The following CDH13 variants were observed in gnomAD, a reference collection of about 807,000 sequenced individuals.
CDH13 encodes cadherin-13.
Under a neutral mutation model 63.8 loss-of-function variants are expected in CDH13, and 24 were observed. The ratio of observed to expected loss-of-function variants is 0.38; its 90% CI spans 0.27 to 0.53. CDH13 has a LOEUF of 0.53. CDH13 is among the 20% of genes least tolerant of loss of function. The pLI, the probability that CDH13 is intolerant of heterozygous loss-of-function variation, is 0.85. For missense variants in CDH13, 1,049 were observed against 903.1 expected (o/e 1.16, Z -2.07); for synonymous variants, 503 against 355.3 (o/e 1.42, Z -4.67).
chr16:83,763,231 T>C (rs1345553784), intron 11 of CDH13, among the ~76,000 whole-genome samples: 1 of 152,138 alleles, frequency 6.6e-6, no homozygotes, highest in African/African-American at 2.4e-5. Context: ...CACACAGATA[T>C]AGAACCAGGC....
intron 2 of CDH13, among the ~76,000 whole-genome samples, chr16:82,934,048 C>T (rs974670237): frequency 6.6e-6 from 1 of 152,252 alleles, no homozygotes. Context: ...CCTTTTCTCA[C>T]AGCTCAACTA....
chr16:82,730,936 G>A (rs544888018), intron 1 of CDH13, among the ~76,000 whole-genome samples: 8 of 152,184 alleles, frequency 5.3e-5, no homozygotes, highest in Non-Finnish European at 7.4e-5. Context: ...GGGTAATATG[G>A]GCACAAAACT....
At chr16:83,283,106 T>C (rs1393948912) in intron 5 of CDH13, among the ~76,000 whole-genome samples, 1 of 152,180 alleles carries the variant, frequency 6.6e-6, no homozygotes, top group Non-Finnish European at 1.5e-5. Context: ...GGTCCTCTTC[T>C]CTAGAAACCC....
chr16:83,206,720 A>G (rs967952584), intron 4 of CDH13, among the ~76,000 whole-genome samples: 3 of 152,158 alleles, frequency 2.0e-5, no homozygotes, highest in Non-Finnish European at 4.4e-5. Context: ...TAACATTTCA[A>G]CAGTTGTGTT....
chr16:83,286,864 T>C (rs1043860164), intron 5 of CDH13, among the ~76,000 whole-genome samples: 1 of 151,922 alleles, frequency 6.6e-6, no homozygotes, highest in African/African-American at 2.4e-5. Flanking sequence ...CATATTCTTG[T>C]GAGTGGACTG....
intron 4 of CDH13, among the ~76,000 whole-genome samples, chr16:83,133,893 A>G (rs1338318025): frequency 6.6e-6 from 1 of 152,190 alleles, no homozygotes; most frequent in Non-Finnish European, 1.5e-5. Flanking sequence ...CTGCCTTCCC[A>G]CTAACTGTAA....
chr16:83,574,644 G>A (rs1177539450), intron 7 of CDH13, among the ~76,000 whole-genome samples: 2 of 152,158 alleles, frequency 1.3e-5, no homozygotes, highest in South Asian at 2.1e-4. Flanking sequence ...CCGTGCCTGC[G>A]ATTCACTATG....
At chr16:82,718,976 T>A (rs1321174571) in intron 1 of CDH13, among the ~76,000 whole-genome samples, 2 of 152,204 alleles carry the variant, frequency 1.3e-5, no homozygotes, top group African/African-American at 2.4e-5. Context: ...GTGGTCCGTA[T>A]CTGTTCTGGT....
chr16:83,170,212 T>C (rs1181231258), intron 4 of CDH13, among the ~76,000 whole-genome samples: 3 of 152,226 alleles, frequency 2.0e-5, no homozygotes, highest in African/African-American at 7.2e-5. Context: ...CCTTCTAAAA[T>C]ACACACAGGT....
At chr16:83,105,553 C>T (rs1243479680) in intron 3 of CDH13, among the ~76,000 whole-genome samples, 1 of 151,960 alleles carries the variant, frequency 6.6e-6, no homozygotes, top group African/African-American at 2.4e-5. Context: ...TTCTCTGGGG[C>T]CACCCTCAGG....
At chr16:83,001,123 A>G (rs1268367985) in intron 2 of CDH13, among the ~76,000 whole-genome samples, 7 of 152,220 alleles carry the variant, frequency 4.6e-5, no homozygotes, top group African/African-American at 1.7e-4. Context: ...AAGATCTTCT[A>G]GTAGATCGTA....
chr16:82,633,575 C>T (rs868776235), intron 1 of CDH13, among the ~76,000 whole-genome samples: 10 of 152,184 alleles, frequency 6.6e-5, no homozygotes, highest in Non-Finnish European at 1.3e-4. Context: ...GACGGGGTTT[C>T]ACTGTCTTGG....
chr16:82,751,260 C>A (rs1369670100), intron 1 of CDH13, among the ~76,000 whole-genome samples: 1 of 152,136 alleles, frequency 6.6e-6, no homozygotes, highest in Non-Finnish European at 1.5e-5. Flanking sequence ...ACAGGAGGGC[C>A]CATGCGTGCG....
At chr16:82,808,490 A>G (rs2037271436) in intron 1 of CDH13, among the ~76,000 whole-genome samples, 2 of 152,236 alleles carry the variant, frequency 1.3e-5, no homozygotes, top group East Asian at 3.8e-4. Context: ...AGAAGGACTG[A>G]CAGGAAGGAG....
intron 11 of CDH13, among the ~76,000 whole-genome samples, chr16:83,762,336 T>C (rs8058998): frequency 0.045 from 6,895 of 152,194 alleles, 554 homozygotes; most frequent in African/African-American, 0.16. Context: ...CACTCTTTTA[T>C]GGAAGACTTC....
intron 1 of CDH13, among the ~76,000 whole-genome samples, chr16:82,753,463 A>G (rs77402122): frequency 0.037 from 5,559 of 152,242 alleles, 137 homozygotes; most frequent in Non-Finnish European, 0.057. Flanking sequence ...TAAATCTAAG[A>G]AATGGGCACA....
intron 5 of CDH13, among the ~76,000 whole-genome samples, chr16:83,219,084 T>C (rs2039621044): frequency 1.3e-5 from 2 of 152,174 alleles, no homozygotes; most frequent in African/African-American, 2.4e-5. Context: ...AACGGACTAA[T>C]ACAGCATCTG....
intron 5 of CDH13, among the ~76,000 whole-genome samples, chr16:83,254,949 C>CTTTTCCTTTCTTTCTTTCGT (rs1358807734): frequency 1.3e-3 from 9 of 6,728 alleles, no homozygotes; most frequent in Non-Finnish European, 2.2e-3. Context: ...TTTTCTTTTT[C>CTTTTCCTTTCTTTCTTTCGT]TCTTTCTTTC....
intron 7 of CDH13, among the ~76,000 whole-genome samples, chr16:83,499,799 A>G (rs2074228823): frequency 1.2e-5 from 1 of 82,222 alleles, no homozygotes; most frequent in South Asian, 6.5e-4. Flanking sequence ...TAGAAAACCA[A>G]TTCTGTTAAT....
Sources: gnomAD v4.1 joint callset for allele counts (sites outside exome capture counted in the v4.1 genomes callset) on GRCh38, gnomAD v4.1.1 for gene constraint, MANE v1.5 for transcripts, NCBI Gene and HGNC (gene_info 2026-07-23, HGNC 2026-07-21) for gene names.